LRMDA: variants seen among roughly 807,000 people sequenced by gnomAD.
The protein encoded by LRMDA is leucine-rich melanocyte differentiation-associated protein.
Under a neutral mutation model 29.8 loss-of-function variants are expected in LRMDA, and 18 were observed. That is an observed-to-expected ratio of 0.60 (90% CI 0.42 to 0.90). LRMDA has a LOEUF of 0.90. Among genes scored for constraint, LRMDA ranks in the 40% least tolerant of loss-of-function variants. The pLI, the probability that LRMDA is intolerant of heterozygous loss-of-function variation, is 0.00. For synonymous variants in LRMDA, 125 were observed against 109.4 expected, an observed-to-expected ratio of 1.14 and a Z score of -0.89; for missense variants, 273 against 273.9, an observed-to-expected ratio of 1.00 and a Z score of 0.02.
At chr10:75,606,721 TG>T (rs1165906650) in intron 2 of LRMDA, among the ~76,000 whole-genome samples, 3 of 152,216 alleles carry the variant, frequency 2.0e-5, no homozygotes, top group Non-Finnish European at 4.4e-5. Context: ...CTCTTTATAT[TG>T]GGAAAATTCA....
chr10:75,434,953 T>A (rs1169162565), intron 1 of LRMDA, among the ~76,000 whole-genome samples: 1 of 152,172 alleles, frequency 6.6e-6, no homozygotes, highest in Admixed American at 6.5e-5. Context: ...AGGGATTGGG[T>A]GTGTACATAG....
intron 2 of LRMDA, among the ~76,000 whole-genome samples, chr10:75,460,338 A>G (rs1844570596): frequency 6.6e-6 from 1 of 152,172 alleles, no homozygotes. Flanking sequence ...TGTTTTTTAA[A>G]TAGTTAAAAT....
At chr10:76,063,742 C>T (rs1848740143) in intron 5 of LRMDA, among the ~76,000 whole-genome samples, 1 of 152,136 alleles carries the variant, frequency 6.6e-6, no homozygotes, top group African/African-American at 2.4e-5. Flanking sequence ...CCTGCTCCCA[C>T]AAATACCCTA....
chr10:75,587,502 T>TAATCCAG (rs1037765439), intron 2 of LRMDA, among the ~76,000 whole-genome samples: 10 of 152,244 alleles, frequency 6.6e-5, no homozygotes, highest in African/African-American at 2.4e-4. Flanking sequence ...TATATACATG[T>TAATCCAG]AATCCAGAAA....
At position 76,254,105 on chromosome 10, in the gene LRMDA, A is replaced by G. The variant is rs1303928194; in HGVS notation, c.517-70296A>G. 5.9e-5 allele frequency among the ~76,000 whole-genome samples: 9 copies of G among 152,146 alleles called. No individual in the cohort carries two copies. The East Asian group carries it at 1.7e-3, about 29-fold the overall frequency. Reference sequence around the variant, plus strand: ...ACTTCTTAAAATCTGAATTCACTAGAATATGCCCCATACAGTTATACTAGT... The same window carrying G: ...ACTTCTTAAAATCTGAATTCACTAGGATATGCCCCATACAGTTATACTAGT... On this transcript the variant is annotated intron_variant, in intron 5 of 6. Coordinates refer to ENST00000611255, the MANE Select transcript of LRMDA (RefSeq NM_001305581.2).
chr10:76,425,575 T>TCA (rs1842115654), intron 6 of LRMDA, among the ~76,000 whole-genome samples: 2 of 151,176 alleles, frequency 1.3e-5, no homozygotes, highest in Non-Finnish European at 1.5e-5. Context: ...TAATAATAAT[T>TCA]ATTATTTTAT....
At chr10:76,332,478 A>G (rs1458830634) in intron 6 of LRMDA, among the ~76,000 whole-genome samples, 1 of 152,180 alleles carries the variant, frequency 6.6e-6, no homozygotes, top group Non-Finnish European at 1.5e-5. Context: ...TCCCAGAGCA[A>G]AGCAAGGAGG....
chr10:76,176,888 T>C lies in LRMDA; in HGVS notation c.516+118105T>C, dbSNP rs200282684. Among the ~76,000 whole-genome samples, 11 of 152,344 alleles carry C rather than the reference T, an allele frequency of 7.2e-5. No individual in the cohort carries two copies. In the East Asian group the frequency reaches 1.7e-3, roughly 24 times the overall value. On this transcript the variant is annotated intron_variant, in intron 5 of 6. Coordinates refer to ENST00000611255, the MANE Select transcript of LRMDA (RefSeq NM_001305581.2). The stretch of plus-strand genomic sequence containing the variant: ...TATCAAGGTGATGGTAAGACACTTG[T>C]ATCCTGATAATTCACGTAATACCTG...
chr10:76,495,284 T>A (rs1842871160), intron 6 of LRMDA, among the ~76,000 whole-genome samples: 1 of 151,926 alleles, frequency 6.6e-6, no homozygotes, highest in South Asian at 2.1e-4. Context: ...TTCTCTTCCA[T>A]TGAATTGTTT....
chr10:76,166,421 T>G lies in LRMDA; in HGVS notation c.516+107638T>G, dbSNP rs141786670. Among the ~76,000 whole-genome samples, 445 of 152,338 alleles carry G rather than the reference T, an allele frequency of 2.9e-3. 3 individuals carry two copies. The highest frequency in any genetic ancestry group is 0.01 in the African/African-American group (423 of 41,580). On this transcript the variant is annotated intron_variant, in intron 5 of 6. Coordinates refer to ENST00000611255, the MANE Select transcript of LRMDA (RefSeq NM_001305581.2). Reference sequence around the variant, plus strand: ...ACAGATTATTTTGTCACCCAGGTACTGAGCCTAGTATCCATTAGTTACTTC... The same window carrying G: ...ACAGATTATTTTGTCACCCAGGTACGGAGCCTAGTATCCATTAGTTACTTC...
intron 2 of LRMDA, among the ~76,000 whole-genome samples, chr10:76,027,753 T>G (rs1848085199): frequency 6.6e-6 from 1 of 152,220 alleles, no homozygotes; most frequent in African/African-American, 2.4e-5. Flanking sequence ...GGATGACTTT[T>G]AATTTTCATG....
chr10:75,931,745 T>C (rs1846209232), intron 2 of LRMDA, among the ~76,000 whole-genome samples: 1 of 152,202 alleles, frequency 6.6e-6, no homozygotes, highest in Non-Finnish European at 1.5e-5. Context: ...GCCACTCTCA[T>C]CAGCAATACT....
intron 6 of LRMDA, among the ~76,000 whole-genome samples, chr10:76,374,780 A>G (rs567738923): frequency 6.6e-6 from 1 of 152,290 alleles, no homozygotes; most frequent in South Asian, 2.1e-4. Flanking sequence ...AGCAGAGTTA[A>G]TTCTGTTAGA....
intron 5 of LRMDA, among the ~76,000 whole-genome samples, chr10:76,170,305 T>C (rs78971817): frequency 6.6e-6 from 1 of 152,226 alleles, no homozygotes; most frequent in African/African-American, 2.4e-5. Context: ...CAAATGGGCA[T>C]GTCTTTAAGA....
At chr10:75,928,658 A>C (rs1013576424) in intron 2 of LRMDA, among the ~76,000 whole-genome samples, 1 of 152,204 alleles carries the variant, frequency 6.6e-6, no homozygotes, top group Non-Finnish European at 1.5e-5. Flanking sequence ...TTAGATGGCT[A>C]TATTTTGGCA....
intron 2 of LRMDA, among the ~76,000 whole-genome samples, chr10:75,656,720 C>T (rs1841680085): frequency 1.3e-5 from 2 of 152,160 alleles, no homozygotes; most frequent in African/African-American, 4.8e-5. Flanking sequence ...CAGGTATCTC[C>T]TCTGTTAAGA....
intron 5 of LRMDA, among the ~76,000 whole-genome samples, chr10:76,315,662 C>A (rs953628243): frequency 2.0e-5 from 3 of 152,174 alleles, no homozygotes; most frequent in Non-Finnish European, 2.9e-5. Context: ...TGTAGACACC[C>A]CTCAACGTGA....
rs979394679 is a variant in LRMDA at position 76,261,368 on chromosome 10, G to A, written c.517-63033G>A. Among the ~76,000 whole-genome samples, 6 of 152,032 alleles carry A rather than the reference G, an allele frequency of 3.9e-5. No homozygotes were observed. In the East Asian group the frequency reaches 7.8e-4, roughly 20 times the overall value. On this transcript the variant is annotated intron_variant, in intron 5 of 6. Transcript: ENST00000611255. Reference sequence around the variant, plus strand: ...ATTACAGGCGTGAGCTACTGCGCCCGGCTGGCTTGCGTTTCAATCTAAGCT... The same window carrying A: ...ATTACAGGCGTGAGCTACTGCGCCCAGCTGGCTTGCGTTTCAATCTAAGCT...
At chr10:76,220,828 C>T (rs1383840641) in intron 5 of LRMDA, among the ~76,000 whole-genome samples, 1 of 152,090 alleles carries the variant, frequency 6.6e-6, no homozygotes, top group African/African-American at 2.4e-5. Flanking sequence ...AAAAAGAGAA[C>T]TTTAGACCAA....
Sources: gnomAD v4.1 joint callset for allele counts (sites outside exome capture counted in the v4.1 genomes callset) on GRCh38, gnomAD v4.1.1 for gene constraint, MANE v1.5 for transcripts, NCBI Gene and HGNC (gene_info 2026-07-23, HGNC 2026-07-21) for gene names.